The following TSHZ2 variants were observed in gnomAD, a reference collection of about 807,000 sequenced individuals.
The protein encoded by TSHZ2 is teashirt homolog 2.
A neutral mutation model predicts 74.4 loss-of-function variants in TSHZ2; 21 were observed. The ratio of observed to expected loss-of-function variants is 0.28; its 90% CI spans 0.20 to 0.41. The LOEUF (loss-of-function observed/expected upper bound fraction) is 0.41. Ranked by LOEUF, TSHZ2 falls within the 10% of genes least tolerant of loss-of-function variation. The pLI, the probability that TSHZ2 is intolerant of heterozygous loss-of-function variation, is 1.00. For synonymous variants in TSHZ2, 540 were observed against 515.3 expected (o/e 1.05, Z -0.65); for missense variants, 1,244 against 1,293.5 (o/e 0.96, Z 0.59).
intron 1 of TSHZ2, among the ~76,000 whole-genome samples, chr20:53,197,878 C>A (rs73270691): frequency 0.048 from 7,329 of 152,202 alleles, 628 homozygotes; most frequent in African/African-American, 0.17. Flanking sequence ...AAACAACAAG[C>A]AAACCCAGGT....
intron 1 of TSHZ2, among the ~76,000 whole-genome samples, chr20:53,164,667 C>T (rs1285467177): frequency 6.6e-6 from 1 of 152,116 alleles, no homozygotes; most frequent in Admixed American, 6.5e-5. Context: ...GAGTTAGTGA[C>T]TACTATATTG....
chr20:53,191,190 CGTATT>C (rs1246576493), intron 1 of TSHZ2, among the ~76,000 whole-genome samples: 7 of 151,966 alleles, frequency 4.6e-5, no homozygotes, highest in Admixed American at 2.6e-4. Flanking sequence ...AACATTATTA[CGTATT>C]GTATTGTATA....
Position 53,055,596 on chromosome 20 carries a change from C to T in TSHZ2, c.40+82263C>T, listed in dbSNP as rs140378443. ...CCATTCCCATTTTTACTCCTCCTCT[C>T]GTTGGAACATTTGCATCAGTTTTCT... On this transcript the variant is annotated intron_variant, in intron 1 of 2. Coordinates refer to ENST00000371497, the MANE Select transcript of TSHZ2 (RefSeq NM_173485.6). Among the ~76,000 whole-genome samples the T allele has an allele frequency of 5.3e-5, 8 of 152,202 alleles. No individual in the cohort carries two copies. The South Asian group carries it at 6.2e-4, about 12-fold the overall frequency.
chr20:53,002,553 T>C (rs1041459986), intron 1 of TSHZ2, among the ~76,000 whole-genome samples: 3 of 152,008 alleles, frequency 2.0e-5, no homozygotes, highest in Non-Finnish European at 2.9e-5. Context: ...ATCTTATGCT[T>C]TTACCCACCT....
chr20:52,973,479 T>A, intron 1 of TSHZ2, 146 bp downstream of exon 1: 1 of 1,061,368 alleles, frequency 9.4e-7, no homozygotes, highest in Non-Finnish European at 1.4e-6. Context: ...CCGTCCTCTC[T>A]CGCCTTCTCT....
chr20:53,378,686 T>C (rs1330221530), intron 2 of TSHZ2, among the ~76,000 whole-genome samples: 4 of 152,350 alleles, frequency 2.6e-5, no homozygotes, highest in Middle Eastern at 6.8e-3. Flanking sequence ...GTAGGATAGC[T>C]AATGAATACT....
chr20:53,260,244 C>A (rs1264454583), intron 2 of TSHZ2, among the ~76,000 whole-genome samples: 2 of 152,178 alleles, frequency 1.3e-5, no homozygotes. Context: ...AAGCACTTTG[C>A]AAACATTATT....
chr20:53,162,432 G>A (rs2123465791), intron 1 of TSHZ2, among the ~76,000 whole-genome samples: 1 of 152,280 alleles, frequency 6.6e-6, no homozygotes, highest in Non-Finnish European at 1.5e-5. Flanking sequence ...TTGCCCACTC[G>A]CTTCCTCTTT....
chr20:53,144,288 C>G (rs753358786), intron 1 of TSHZ2, among the ~76,000 whole-genome samples: 2 of 152,102 alleles, frequency 1.3e-5, no homozygotes, highest in African/African-American at 4.8e-5. Context: ...AGTGCCCAGA[C>G]AGGAAGGGGA....
rs1985316935 is a variant in TSHZ2, at chr20:53,074,841, A to G, written c.40+101508A>G. 6.6e-6 allele frequency among the ~76,000 whole-genome samples: 1 copy of G among 152,234 alleles called. No individual in the cohort carries two copies. The highest frequency in any genetic ancestry group is 1.5e-5 in the Non-Finnish European group (1 of 68,044). On this transcript the variant is annotated intron_variant, in intron 1 of 2. Coordinates refer to ENST00000371497, the MANE Select transcript of TSHZ2 (RefSeq NM_173485.6). The surrounding 1 kb of genome is among the most constrained non-coding windows in gnomAD (Gnocchi z 5.9). ...GTTAGTCCCATTTAACAGATGAAGCAATTGAGGCTTAGAGAAGCAAATGAC... is the reference window on the plus strand; with the variant it reads ...GTTAGTCCCATTTAACAGATGAAGCGATTGAGGCTTAGAGAAGCAAATGAC...
At chr20:53,110,425 C>T (rs1357945119) in intron 1 of TSHZ2, among the ~76,000 whole-genome samples, 1 of 152,056 alleles carries the variant, frequency 6.6e-6, no homozygotes, top group Non-Finnish European at 1.5e-5. Flanking sequence ...GCATAACCTT[C>T]AGAACTCAAC....
At chr20:53,038,892 G>GTTTTTTT in intron 1 of TSHZ2, among the ~76,000 whole-genome samples, 2 of 130,450 alleles carry the variant, frequency 1.5e-5, no homozygotes, top group African/African-American at 7.6e-5. Flanking sequence ...TGTTTTGTTT[G>GTTTTTTT]TTTGTTTGTT....
chr20:53,077,606 G>A (rs551607582), intron 1 of TSHZ2, among the ~76,000 whole-genome samples: 8 of 152,200 alleles, frequency 5.3e-5, no homozygotes, highest in East Asian at 1.9e-4. Flanking sequence ...AAGGGAGGAC[G>A]ACCCAGGAGG....
At chr20:53,101,599 C>G (rs1479047707) in intron 1 of TSHZ2, among the ~76,000 whole-genome samples, 1 of 152,248 alleles carries the variant, frequency 6.6e-6, no homozygotes, top group Non-Finnish European at 1.5e-5. Flanking sequence ...ACAGCCCCCA[C>G]TCCTCCTGGG....
intron 1 of TSHZ2, among the ~76,000 whole-genome samples, chr20:53,137,112 C>T (rs1987264835): frequency 6.6e-6 from 1 of 152,098 alleles, no homozygotes; most frequent in African/African-American, 2.4e-5. Flanking sequence ...CAACCAGTTA[C>T]CTACTTCAAT....
chr20:53,210,952 T>C (rs1989288656), intron 1 of TSHZ2, among the ~76,000 whole-genome samples: 1 of 152,038 alleles, frequency 6.6e-6, no homozygotes, highest in Non-Finnish European at 1.5e-5. Flanking sequence ...TCTAAAGAAA[T>C]ATTCCTTTAG....
At chr20:53,285,789 T>A (rs1991153523) in intron 2 of TSHZ2, among the ~76,000 whole-genome samples, 1 of 152,126 alleles carries the variant, frequency 6.6e-6, no homozygotes, top group South Asian at 2.1e-4. Context: ...TGAAGTGATG[T>A]TCTGAGCCAT....
intron 1 of TSHZ2, among the ~76,000 whole-genome samples, chr20:53,023,855 C>T (rs1455105723): frequency 6.6e-6 from 1 of 152,166 alleles, no homozygotes; most frequent in African/African-American, 2.4e-5. Context: ...AAACGCAGCA[C>T]ACCAGTGAGC....
At chr20:53,207,825 G>T (rs1446507411) in intron 1 of TSHZ2, among the ~76,000 whole-genome samples, 4 of 150,204 alleles carry the variant, frequency 2.7e-5, no homozygotes, top group African/African-American at 7.4e-5. Context: ...AGGGCTACAG[G>T]CATGCACCAT....
Sources: gnomAD v4.1 joint callset for allele counts (sites outside exome capture counted in the v4.1 genomes callset) on GRCh38, gnomAD v4.1.1 for gene constraint, Gnocchi (gnomAD v3.1) non-coding constraint, MANE v1.5 for transcripts, NCBI Gene and HGNC (gene_info 2026-07-23, HGNC 2026-07-21) for gene names.